Variants in NELL1 observed in about 807,000 individuals in gnomAD.
NELL1 encodes the protein neural EGFL like 1, also known as protein kinase C-binding protein NELL1.
Under a neutral mutation model 107.4 loss-of-function variants are expected in NELL1, and 76 were observed. The observed-to-expected ratio is 0.71, with a 90% CI of 0.59 to 0.86. The LOEUF (loss-of-function observed/expected upper bound fraction) is 0.86, where lower values mean the gene tolerates loss of function less well. Ranked by LOEUF, NELL1 falls within the 40% of genes least tolerant of loss-of-function variation. The pLI, the probability that NELL1 is intolerant of heterozygous loss-of-function variation, is 0.00. For synonymous variants in NELL1, 353 were observed against 341.2 expected (o/e 1.03, Z -0.38); for missense variants, 1,024 against 1,005.5 (o/e 1.02, Z -0.25).
intron 11 of NELL1, 115 bp downstream of exon 11, chr11:20,947,550 C>A: frequency 1.3e-6 from 1 of 741,624 alleles, no homozygotes; most frequent in Non-Finnish European, 2.4e-6. Context: ...CTGTGCGCTG[C>A]TCCTTAAAAA....
At chr11:20,884,580 G>A (rs1404079220) in intron 4 of NELL1, among the ~76,000 whole-genome samples, 4 of 152,124 alleles carry the variant, frequency 2.6e-5, no homozygotes, top group Admixed American at 6.6e-5. Context: ...AAGAGGGCAC[G>A]AATAAAAAGA....
chr11:20,675,409 A>G (rs1265534899), intron 1 of NELL1, among the ~76,000 whole-genome samples: 4 of 152,172 alleles, frequency 2.6e-5, no homozygotes. Context: ...CCAGATATGC[A>G]TATTGCTCAG....
At chr11:20,736,164 G>T (rs1359423112) in intron 2 of NELL1, among the ~76,000 whole-genome samples, 4 of 152,270 alleles carry the variant, frequency 2.6e-5, no homozygotes, top group Admixed American at 6.5e-5. Context: ...CAAGTGGGGG[G>T]TGAAGGTTTG....
intron 15 of NELL1, among the ~76,000 whole-genome samples, chr11:21,431,371 C>G (rs779410704): frequency 3.3e-5 from 5 of 152,120 alleles, no homozygotes; most frequent in Non-Finnish European, 7.4e-5. Flanking sequence ...TACTGATTCT[C>G]TCTTGCTGTC....
chr11:21,167,364 T>A (rs11025953), intron 13 of NELL1, among the ~76,000 whole-genome samples: 1 of 151,458 alleles, frequency 6.6e-6, no homozygotes, highest in Non-Finnish European at 1.5e-5. Context: ...GGGTACTGTT[T>A]TTTTTGGCAA....
At chr11:20,686,326 T>C (rs1854304160) in intron 2 of NELL1, among the ~76,000 whole-genome samples, 1 of 152,188 alleles carries the variant, frequency 6.6e-6, no homozygotes, top group African/African-American at 2.4e-5. Context: ...TTATCTTTGT[T>C]ACTGCTGTCT....
At chr11:20,781,387 T>C (rs551143894) in intron 2 of NELL1, among the ~76,000 whole-genome samples, 29 of 152,200 alleles carry the variant, frequency 1.9e-4, no homozygotes, top group African/African-American at 6.5e-4. Flanking sequence ...AACGTTTGAA[T>C]TTACTGCATA....
intron 12 of NELL1, among the ~76,000 whole-genome samples, chr11:21,063,532 T>C (rs536914268): frequency 1.3e-5 from 2 of 152,298 alleles, no homozygotes; most frequent in African/African-American, 4.8e-5. Context: ...AGTTATTTCA[T>C]TAGCATAAAC....
intron 13 of NELL1, among the ~76,000 whole-genome samples, chr11:21,114,330 C>T (rs768954722): frequency 6.6e-6 from 1 of 151,918 alleles, no homozygotes; most frequent in Non-Finnish European, 1.5e-5. Context: ...CAGACATGAA[C>T]AGTAAATTGG....
chr11:20,937,887 A>G, intron 10 of NELL1, 28 bp downstream of exon 10: 1 of 1,602,782 alleles, frequency 6.2e-7, no homozygotes, highest in Non-Finnish European at 8.5e-7. Context: ...GGTCCCTATC[A>G]CTTCTGGAAA....
chr11:20,938,504 T>C (rs1432117489), intron 10 of NELL1, among the ~76,000 whole-genome samples: 1 of 152,052 alleles, frequency 6.6e-6, no homozygotes, highest in African/African-American at 2.4e-5. Flanking sequence ...AAGTATGAAG[T>C]AGGCTGAAGG....
intron 12 of NELL1, among the ~76,000 whole-genome samples, chr11:20,975,699 TTATATAATATACATATTATA>T (rs1462034481): frequency 9.9e-6 from 1 of 101,100 alleles, no homozygotes; most frequent in African/African-American, 4.3e-5. Context: ...AATGTATGTA[TTATATAATATACATATTATA>T]TATGTATTAT....
chr11:21,247,878 T>C (rs1233372022), intron 14 of NELL1, among the ~76,000 whole-genome samples: 1 of 152,214 alleles, frequency 6.6e-6, no homozygotes, highest in Non-Finnish European at 1.5e-5. Flanking sequence ...ATAGGAATTT[T>C]TCAGCTCCAT....
intron 4 of NELL1, among the ~76,000 whole-genome samples, chr11:20,865,600 G>A (rs955202771): frequency 1.3e-5 from 2 of 152,130 alleles, no homozygotes; most frequent in African/African-American, 4.8e-5. Context: ...GGGGAAGGGA[G>A]GAGGAGAAGG....
At chr11:20,864,450 T>C (rs1202995546) in intron 4 of NELL1, among the ~76,000 whole-genome samples, 1 of 152,194 alleles carries the variant, frequency 6.6e-6, no homozygotes, top group Admixed American at 6.5e-5. Context: ...TTGACCGACA[T>C]CTCCTTATCA....
intron 15 of NELL1, among the ~76,000 whole-genome samples, chr11:21,525,898 C>T (rs1169452247): frequency 1.3e-5 from 2 of 152,132 alleles, no homozygotes; most frequent in Non-Finnish European, 2.9e-5. Context: ...TACTACAATC[C>T]AAGGTGAGAT....
intron 15 of NELL1, among the ~76,000 whole-genome samples, chr11:21,526,458 C>A (rs1175899060): frequency 6.6e-6 from 1 of 152,156 alleles, no homozygotes; most frequent in Non-Finnish European, 1.5e-5. Flanking sequence ...GATGGTGGCC[C>A]TCTTCTCACA....
At chr11:21,121,553 C>T (rs1388051046) in intron 13 of NELL1, among the ~76,000 whole-genome samples, 1 of 152,026 alleles carries the variant, frequency 6.6e-6, no homozygotes, top group Non-Finnish European at 1.5e-5. Context: ...TGTGCCAATG[C>T]CTTGGTTATT....
chr11:21,180,804 T>A (rs965873977), intron 13 of NELL1, among the ~76,000 whole-genome samples: 4 of 151,640 alleles, frequency 2.6e-5, no homozygotes, highest in Non-Finnish European at 5.9e-5. Context: ...CCCAGCAAAC[T>A]TTTTGTCTGA....
Sources: allele counts gnomAD v4.1 joint callset (sites outside exome capture counted in the v4.1 genomes callset), GRCh38; gene constraint gnomAD v4.1.1; transcripts MANE v1.5; gene names NCBI Gene and HGNC (gene_info 2026-07-23, HGNC 2026-07-21).